The following LHFPL4 variants were observed in gnomAD, a reference collection of about 807,000 sequenced individuals.
The protein encoded by LHFPL4 is LHFPL tetraspan subfamily member 4 protein.
LHFPL4 carries 6 observed loss-of-function variants against 20.0 expected under a neutral mutation model. The observed-to-expected ratio is 0.30, with a 90% CI of 0.16 to 0.59. The LOEUF is 0.59. Ranked by LOEUF, LHFPL4 falls within the 20% of genes least tolerant of loss-of-function variation. LHFPL4 has a pLI of 0.88. For missense variants in LHFPL4, 215 were observed against 331.2 expected (o/e 0.65, Z 2.72); for synonymous variants, 129 against 143.8 (o/e 0.90, Z 0.74).
chr3:9,530,069 T>C (rs937733942), intron 2 of LHFPL4, among the ~76,000 whole-genome samples: 1 of 152,170 alleles, frequency 6.6e-6, no homozygotes, highest in Admixed American at 6.5e-5. Context: ...GTTAGCATAA[T>C]TCTTAAGGGC....
At chr3:9,516,002 A>G (rs62246347) in intron 2 of LHFPL4, among the ~76,000 whole-genome samples, 47,369 of 152,024 alleles carry the variant, frequency 0.31, 7,798 homozygotes, top group Non-Finnish European at 0.37. Flanking sequence ...GGCGTGAACC[A>G]TGGCACCCGG....
chr3:9,542,636 G>A (rs529193294), intron 2 of LHFPL4, among the ~76,000 whole-genome samples: 18 of 151,630 alleles, frequency 1.2e-4, no homozygotes, highest in African/African-American at 3.1e-4. Flanking sequence ...GAGAGACCTC[G>A]TTTCTACCAA....
intron 2 of LHFPL4, among the ~76,000 whole-genome samples, chr3:9,519,929 GATTGTAGGTGT>G (rs1323753674): frequency 6.6e-6 from 1 of 152,156 alleles, no homozygotes; most frequent in Non-Finnish European, 1.5e-5. Flanking sequence ...AAAGTGCTGA[GATTGTAGGTGT>G]GAGTCACCAT....
intron 2 of LHFPL4, among the ~76,000 whole-genome samples, chr3:9,519,047 C>T (rs754197972): frequency 3.3e-5 from 5 of 152,068 alleles, no homozygotes; most frequent in Non-Finnish European, 7.4e-5. Flanking sequence ...AAGCAATTCT[C>T]GTGTCTCAGC....
intron 2 of LHFPL4, among the ~76,000 whole-genome samples, chr3:9,542,823 A>C (rs1291581687): frequency 1.3e-5 from 2 of 151,780 alleles, no homozygotes; most frequent in Non-Finnish European, 2.9e-5. Context: ...AAAAAAAAAA[A>C]AAAGTCACAT....
At position 9,531,262 on chromosome 3, in the gene LHFPL4, C is replaced by T. The variant is rs185694255; in HGVS notation, c.406+21012G>A. On this transcript the variant is annotated intron_variant, in intron 2 of 3. Coordinates refer to ENST00000287585, the MANE Select transcript of LHFPL4 (RefSeq NM_198560.3). ...GTGACACAGAGCCACGAAGTGGGCA[C>T]GTGCTGCAGGGAAAATAGTTCCGAC... 1.7e-4 allele frequency among the ~76,000 whole-genome samples: 26 copies of T among 152,276 alleles called. No individual in the cohort carries two copies. The East Asian group carries it at 4.2e-3, about 25-fold the overall frequency.
At chr3:9,515,586 C>T (rs575999464) in intron 2 of LHFPL4, among the ~76,000 whole-genome samples, 1 of 152,194 alleles carries the variant, frequency 6.6e-6, no homozygotes, top group African/African-American at 2.4e-5. Context: ...GTTGGCCAGG[C>T]TGGTCTCGAA....
At chr3:9,512,991 C>G (rs965297135) in intron 2 of LHFPL4, among the ~76,000 whole-genome samples, 8 of 152,334 alleles carry the variant, frequency 5.3e-5, no homozygotes, top group Admixed American at 5.2e-4. Context: ...CGGAGTCTCA[C>G]TCAGTCGCCC....
chr3:9,540,144 C>T (rs984443568), intron 2 of LHFPL4, among the ~76,000 whole-genome samples: 1 of 152,124 alleles, frequency 6.6e-6, no homozygotes, highest in Admixed American at 6.5e-5. Flanking sequence ...TTACATATAA[C>T]ATTATTAACT....
At chr3:9,503,197 C>A (rs1429297883) in intron 3 of LHFPL4, among the ~76,000 whole-genome samples, 2 of 152,010 alleles carry the variant, frequency 1.3e-5, no homozygotes, top group Admixed American at 6.6e-5. Context: ...CAGTGAGGGA[C>A]GGAGACTCCC....
At chr3:9,519,808 C>T (rs2125659432) in intron 2 of LHFPL4, among the ~76,000 whole-genome samples, 1 of 152,132 alleles carries the variant, frequency 6.6e-6, no homozygotes, top group East Asian at 1.9e-4. Flanking sequence ...CTGCCTCAGC[C>T]TGAGTATAAG....
In LHFPL4 at chr3:9,506,212, C is replaced by T. The variant is rs916180074; in HGVS notation, c.407-9G>A. The T allele has an allele frequency of 6.2e-7, 1 of 1,607,606 alleles. No homozygotes were observed. Among genetic ancestry groups the T allele is most frequent in the South Asian group, 1.1e-5 (1 of 90,902 alleles). On this transcript the variant is annotated splice_polypyrimidine_tract_variant and intron_variant, in intron 2 of 3. Transcript: ENST00000287585. The surrounding 1 kb of genome is among the most constrained non-coding windows in gnomAD (Gnocchi z 4.5). ...CAGGACGAGGCACAGAGCTGAGGGG[C>T]AGAGCACCGGGCCCACCACCACGGT...
rs372414531 is a variant in LHFPL4, at chr3:9,543,887, A to G, written c.406+8387T>C. Among the ~76,000 whole-genome samples, 98 of 151,962 alleles carry G rather than the reference A, an allele frequency of 6.4e-4. 1 individual carries two copies. In the South Asian group the frequency reaches 9.2e-3, roughly 14 times the overall value. Reference sequence around the variant, plus strand: ...GGTGGAATTACAGGCGTGTGCCACCATGCCCAGCTAGTTTTTGTAGAGATG... The same window carrying G: ...GGTGGAATTACAGGCGTGTGCCACCGTGCCCAGCTAGTTTTTGTAGAGATG... On this transcript the variant is annotated intron_variant, in intron 2 of 3. Coordinates refer to ENST00000287585, the MANE Select transcript of LHFPL4 (RefSeq NM_198560.3).
At chr3:9,540,882 C>A (rs146313939) in intron 2 of LHFPL4, among the ~76,000 whole-genome samples, 2,822 of 150,482 alleles carry the variant, frequency 0.019, 97 homozygotes, top group African/African-American at 0.065. Context: ...CAGAGTGGGA[C>A]CCTGTCTCAA....
At chr3:9,529,419 A>G (rs1454388434) in intron 2 of LHFPL4, among the ~76,000 whole-genome samples, 2 of 152,206 alleles carry the variant, frequency 1.3e-5, no homozygotes, top group Non-Finnish European at 2.9e-5. Context: ...ACAGAGGAAC[A>G]ACTTATCTAT....
At chr3:9,522,400 T>C (rs776208100) in intron 2 of LHFPL4, among the ~76,000 whole-genome samples, 3 of 152,198 alleles carry the variant, frequency 2.0e-5, no homozygotes, top group Non-Finnish European at 4.4e-5. Flanking sequence ...AAAACACTGT[T>C]GCTCTATTTT....
chr3:9,509,911 A>G (rs970118093), intron 2 of LHFPL4, among the ~76,000 whole-genome samples: 3 of 152,216 alleles, frequency 2.0e-5, no homozygotes, highest in Admixed American at 2.0e-4. Context: ...GAAGAAACTG[A>G]GGCTGAGGCT....
At chr3:9,544,645 C>T (rs1430591655) in intron 2 of LHFPL4, among the ~76,000 whole-genome samples, 1 of 151,974 alleles carries the variant, frequency 6.6e-6, no homozygotes, top group Non-Finnish European at 1.5e-5. Context: ...AACAAACAAA[C>T]AAAAACAAAT....
intron 2 of LHFPL4, among the ~76,000 whole-genome samples, chr3:9,509,065 T>C (rs2046239881): frequency 6.6e-6 from 1 of 152,202 alleles, no homozygotes; most frequent in African/African-American, 2.4e-5. Flanking sequence ...CGCTCCCAGC[T>C]GCGCAGCGCT....
Sources: gnomAD v4.1 joint callset for allele counts (sites outside exome capture counted in the v4.1 genomes callset) on GRCh38, gnomAD v4.1.1 for gene constraint, Gnocchi (gnomAD v3.1) non-coding constraint, MANE v1.5 for transcripts, NCBI Gene and HGNC (gene_info 2026-07-23, HGNC 2026-07-21) for gene names.